GRID2: variants seen among roughly 807,000 people sequenced by gnomAD.
GRID2 encodes glutamate ionotropic receptor delta type subunit 2, also known as glutamate receptor ionotropic, delta-2.
Under a neutral mutation model 114.8 loss-of-function variants are expected in GRID2, and 33 were observed. The observed-to-expected ratio is 0.29, with a 90% CI of 0.22 to 0.38. The LOEUF is 0.38. Ranked by LOEUF, GRID2 falls within the 10% of genes least tolerant of loss-of-function variation. GRID2 has a pLI of 1.00. For synonymous variants in GRID2, 505 were observed against 449.9 expected (o/e 1.12, Z -1.55); for missense variants, 1,184 against 1,257.7 (o/e 0.94, Z 0.89).
intron 4 of GRID2, among the ~76,000 whole-genome samples, chr4:93,168,771 T>A (rs1738509880): frequency 6.7e-6 from 1 of 149,732 alleles, no homozygotes; most frequent in Non-Finnish European, 1.5e-5. Flanking sequence ...AGCTATTACA[T>A]ATATAATTTC....
chr4:93,704,439 T>G (rs180774570), intron 14 of GRID2, among the ~76,000 whole-genome samples: 462 of 152,326 alleles, frequency 3.0e-3, no homozygotes, highest in Middle Eastern at 6.8e-3. Flanking sequence ...TCTCCCATTC[T>G]GTAGGTTGCC....
At chr4:93,306,405 C>G (rs1333774300) in intron 8 of GRID2, 2 of 152,172 alleles carry the variant, frequency 1.3e-5, no homozygotes, top group African/African-American at 4.8e-5. Flanking sequence ...TTCTGGAATA[C>G]AGTGATCTGG....
chr4:93,667,436 C>T (rs1317787355), intron 14 of GRID2, among the ~76,000 whole-genome samples: 1 of 151,004 alleles, frequency 6.6e-6, no homozygotes, highest in African/African-American at 2.4e-5. Context: ...TTAGTGATAA[C>T]CAGGAGGTAC....
chr4:92,352,747 T>A (rs1288316836), intron 1 of GRID2, among the ~76,000 whole-genome samples: 2 of 151,924 alleles, frequency 1.3e-5, no homozygotes. Flanking sequence ...TTGCCTATAC[T>A]TTAATTGGGT....
chr4:93,463,004 A>G (rs1723898765), intron 11 of GRID2, among the ~76,000 whole-genome samples: 2 of 152,154 alleles, frequency 1.3e-5, no homozygotes, highest in African/African-American at 2.4e-5. Context: ...TTAAATTAAA[A>G]CAGCTCTCCA....
In GRID2 at chr4:93,114,319, C is replaced by T. The variant is rs560844879; in HGVS notation, c.735+3366C>T. Among the ~76,000 whole-genome samples the T allele has an allele frequency of 2.0e-3, 302 of 152,220 alleles. 2 individuals carry two copies. The highest frequency in any genetic ancestry group is 7.2e-3 in the African/African-American group (297 of 41,538). The stretch of plus-strand genomic sequence containing the variant: ...TTGTCTTTCTGATAATCAATTTCAA[C>T]TGATATGATCTTAACTTCTCACCTT... On this transcript the variant is annotated intron_variant, in intron 4 of 15. Coordinates refer to ENST00000282020, the MANE Select transcript of GRID2 (RefSeq NM_001510.4).
chr4:93,264,734 T>TATA (rs1750620596), intron 8 of GRID2, among the ~76,000 whole-genome samples: 2 of 90,998 alleles, frequency 2.2e-5, no homozygotes, highest in African/African-American at 9.6e-5. Context: ...ATCATTTGAA[T>TATA]TATATATATA....
chr4:92,971,040 G>A (rs1320111642), intron 2 of GRID2, among the ~76,000 whole-genome samples: 1 of 151,624 alleles, frequency 6.6e-6, no homozygotes, highest in African/African-American at 2.4e-5. Flanking sequence ...TACAGAAGAA[G>A]ACTCAGACTT....
intron 2 of GRID2, among the ~76,000 whole-genome samples, chr4:92,732,192 A>G (rs1736359824): frequency 6.6e-6 from 1 of 151,968 alleles, no homozygotes; most frequent in Non-Finnish European, 1.5e-5. Context: ...GTAAATGTGA[A>G]AATGGACCTA....
At chr4:93,154,099 T>C (rs1346471303) in intron 4 of GRID2, among the ~76,000 whole-genome samples, 2 of 152,048 alleles carry the variant, frequency 1.3e-5, no homozygotes, top group African/African-American at 4.8e-5. Flanking sequence ...CCTTCATTGT[T>C]ACCAACTGAT....
intron 7 of GRID2, among the ~76,000 whole-genome samples, chr4:93,237,540 T>G (rs1344906827): frequency 1.3e-5 from 2 of 151,966 alleles, no homozygotes; most frequent in African/African-American, 4.8e-5. Context: ...TCATTTGTTT[T>G]CTAAATAAAT....
At chr4:93,571,324 G>A (rs1441158241) in intron 13 of GRID2, among the ~76,000 whole-genome samples, 5 of 152,042 alleles carry the variant, frequency 3.3e-5, no homozygotes, top group Non-Finnish European at 7.4e-5. Flanking sequence ...TTCCCCAGAA[G>A]TATGTGGAAG....
intron 13 of GRID2, among the ~76,000 whole-genome samples, chr4:93,528,221 A>G (rs892520723): frequency 1.3e-5 from 2 of 151,980 alleles, no homozygotes; most frequent in Non-Finnish European, 2.9e-5. Flanking sequence ...TCTGTTCATT[A>G]TCAACAGACA....
At chr4:92,593,261 T>C (rs898070673) in intron 2 of GRID2, among the ~76,000 whole-genome samples, 2 of 151,858 alleles carry the variant, frequency 1.3e-5, no homozygotes, top group Non-Finnish European at 2.9e-5. Context: ...CACTCAGAGG[T>C]TAGATAAGTA....
At chr4:92,506,019 T>A (rs1723949252) in intron 1 of GRID2, among the ~76,000 whole-genome samples, 1 of 152,130 alleles carries the variant, frequency 6.6e-6, no homozygotes, top group African/African-American at 2.4e-5. Context: ...TCTTCTGCAT[T>A]TGCATATTGA....
chr4:92,734,025 T>C (rs1736464014), intron 2 of GRID2, among the ~76,000 whole-genome samples: 1 of 152,092 alleles, frequency 6.6e-6, no homozygotes, highest in African/African-American at 2.4e-5. Flanking sequence ...ATCCTAAACT[T>C]GCAGCTCTTA....
chr4:93,680,047 A>T (rs1349110269), intron 14 of GRID2, among the ~76,000 whole-genome samples: 2 of 151,294 alleles, frequency 1.3e-5, no homozygotes, highest in East Asian at 3.9e-4. Flanking sequence ...TAATAAAGAA[A>T]AAAAGAGAGA....
intron 2 of GRID2, among the ~76,000 whole-genome samples, chr4:93,028,065 C>T (rs1028436509): frequency 2.0e-5 from 3 of 152,100 alleles, no homozygotes; most frequent in African/African-American, 7.2e-5. Context: ...TATTCAGTCT[C>T]TTCTTGATTT....
At chr4:92,665,369 C>T (rs1732722161) in intron 2 of GRID2, among the ~76,000 whole-genome samples, 1 of 150,218 alleles carries the variant, frequency 6.7e-6, no homozygotes, top group Non-Finnish European at 1.5e-5. Context: ...AACAAAAACA[C>T]ATTTTATGTA....
Sources: allele counts gnomAD v4.1 joint callset (sites outside exome capture counted in the v4.1 genomes callset), GRCh38; gene constraint gnomAD v4.1.1; transcripts MANE v1.5; gene names NCBI Gene and HGNC (gene_info 2026-07-23, HGNC 2026-07-21).